SLC2A5: variants seen among roughly 807,000 people sequenced by gnomAD.
The protein encoded by SLC2A5 is solute carrier family 2, facilitated glucose transporter member 5.
A neutral mutation model predicts 50.3 loss-of-function variants in SLC2A5; 56 were observed. The ratio of observed to expected loss-of-function variants is 1.11; its 90% CI spans 0.90 to 1.39. SLC2A5 has a LOEUF of 1.39. Ranked by LOEUF, SLC2A5 falls within the 40% of genes most tolerant of loss-of-function variation. The pLI is 0.00. For missense variants in SLC2A5, 566 were observed against 650.1 expected, an observed-to-expected ratio of 0.87 and a Z score of 1.41; for synonymous variants, 269 against 281.9, an observed-to-expected ratio of 0.95 and a Z score of 0.46.
In SLC2A5 at chr1:9,039,841, T is replaced by C. The variant is rs759948969; in HGVS notation, c.844A>G (p.Ile282Val). ...RSLRWQLLSIIVLMGGQQLSG... is the reference protein window; with the variant it reads ...RSLRWQLLSIVVLMGGQQLSG... Reference sequence around the variant, plus strand: ...AGCTGCTGGCCGCCCATGAGGACGATGATGGACAGCAGCTGCCAGCGCAGC... The same window carrying C: ...AGCTGCTGGCCGCCCATGAGGACGACGATGGACAGCAGCTGCCAGCGCAGC... Residue 282 changes from isoleucine to valine, a missense_variant, in exon 7 of 12, where the codon ATC becomes GTC. Coordinates refer to ENST00000377424, the MANE Select transcript of SLC2A5 (RefSeq NM_003039.3). 1.2e-5 allele frequency: 20 copies of C among 1,609,604 alleles called. No individual in the cohort carries two copies. In the South Asian group the frequency reaches 1.9e-4, roughly 15 times the overall value.
intron 1 of SLC2A5, among the ~76,000 whole-genome samples, chr1:9,060,416 C>T (rs1420158253): frequency 6.8e-6 from 1 of 147,378 alleles, no homozygotes; most frequent in Non-Finnish European, 1.5e-5. Flanking sequence ...CTACACACCC[C>T]ACACCCCCAC....
intron 1 of SLC2A5, among the ~76,000 whole-genome samples, chr1:9,063,770 A>T (rs1224264616): frequency 8.2e-6 from 1 of 121,400 alleles, no homozygotes; most frequent in East Asian, 2.3e-4. Flanking sequence ...ATCTCGGCTC[A>T]CTGCAAGCTC....
In SLC2A5 at chr1:9,047,599, G is replaced by C; in HGVS notation, c.418+11C>G. 1 of 1,612,796 alleles carries C rather than the reference G, an allele frequency of 6.2e-7. No individual in the cohort carries two copies. The highest frequency in any genetic ancestry group is 8.5e-7 in the Non-Finnish European group (1 of 1,179,226). On this transcript the variant is annotated intron_variant, in intron 4 of 11. Transcript: ENST00000377424. ...CCTCACAGAATGGCAATACAGCATAGCATTGTTTACCTGCACATATTCCCA... is the reference window on the plus strand; with the variant it reads ...CCTCACAGAATGGCAATACAGCATACCATTGTTTACCTGCACATATTCCCA...
At chr1:9,069,287 T>C (rs1029862382) in intron 1 of SLC2A5, among the ~76,000 whole-genome samples, 1 of 152,210 alleles carries the variant, frequency 6.6e-6, no homozygotes, top group Non-Finnish European at 1.5e-5. Context: ...GCTGTTCCAG[T>C]AGAATGATTT....
At chr1:9,089,915 AG>A (rs1642445038), upstream of SLC2A5, among the ~76,000 whole-genome samples, 6 of 152,184 alleles carry the variant, frequency 3.9e-5, no homozygotes, top group Admixed American at 3.3e-4. Flanking sequence ...CATGGAACCC[AG>A]GGTAATTTGG....
chr1:9,064,236 CTCTT>C (rs1340327000), intron 1 of SLC2A5, among the ~76,000 whole-genome samples: 4 of 152,110 alleles, frequency 2.6e-5, no homozygotes, highest in South Asian at 2.1e-4. Context: ...GGCTTAAGCC[CTCTT>C]TCTTTCTTTT....
At chr1:9,088,020 G>T (rs1280972425) in intron 1 of SLC2A5, among the ~76,000 whole-genome samples, 1 of 152,054 alleles carries the variant, frequency 6.6e-6, no homozygotes. Context: ...GCCTGAAAAT[G>T]GCACCTTTGA....
upstream of SLC2A5, among the ~76,000 whole-genome samples, chr1:9,070,226 G>A (rs969541724): frequency 2.6e-5 from 4 of 151,620 alleles, no homozygotes; most frequent in East Asian, 1.9e-4. Flanking sequence ...GATTACAGGC[G>A]TGCACTACCA....
upstream of SLC2A5, among the ~76,000 whole-genome samples, chr1:9,090,070 T>C (rs1349526926): frequency 6.6e-6 from 1 of 152,194 alleles, no homozygotes; most frequent in African/African-American, 2.4e-5. Context: ...GCCACTATAC[T>C]GCTCATTTCA....
intron 2 of SLC2A5, among the ~76,000 whole-genome samples, chr1:9,080,849 G>A (rs955250590): frequency 1.3e-5 from 2 of 152,144 alleles, no homozygotes; most frequent in Non-Finnish European, 2.9e-5. Flanking sequence ...CTCTCGCCTG[G>A]GGCGATAGGT....
At chr1:9,069,804 C>CTACG (rs1354097557), upstream of SLC2A5, 4 of 485,062 alleles carry the variant, frequency 8.2e-6, no homozygotes, top group Non-Finnish European at 1.5e-5. Context: ...ATGGAACAGT[C>CTACG]TACGGTATTT....
rs533395747 is a variant in SLC2A5, at chr1:9,069,549, AG to A, written c.-14del. On this transcript the variant is annotated 5_prime_UTR_variant, in exon 1 of 12. Coordinates refer to ENST00000377424, the MANE Select transcript of SLC2A5 (RefSeq NM_003039.3). ...CCTGTTGCTCCATGCTTGCTCTGGA[AG>A]GGCAGAGTGCCGCTCACCTCCTTTT... is the stretch of plus-strand genomic sequence containing the variant. The A allele has an allele frequency of 4.3e-6, 7 of 1,614,064 alleles. No homozygotes were observed. In the South Asian group the frequency reaches 7.7e-5, roughly 18 times the overall value.
At chr1:9,049,018 G>A (rs1017715484) in intron 3 of SLC2A5, 2 of 394,690 alleles carry the variant, frequency 5.1e-6, no homozygotes, top group Non-Finnish European at 1.0e-5. Context: ...GCTGATAAAG[G>A]AAATCTACCT....
chr1:9,091,556 G>A (rs1317858377), upstream of SLC2A5, among the ~76,000 whole-genome samples: 1 of 152,070 alleles, frequency 6.6e-6, no homozygotes, highest in Non-Finnish European at 1.5e-5. Context: ...CCTCTCATGT[G>A]CAAGCCCTAT....
At position 9,037,329 on chromosome 1, in the gene SLC2A5, C is replaced by T. The variant is rs1641157818; in HGVS notation, c.*257G>A. The T allele has an allele frequency of 4.4e-6, 2 of 458,790 alleles. No homozygotes were observed. The highest frequency in any genetic ancestry group is 4.2e-5 in the East Asian group (1 of 23,914). 28.4% of individuals were successfully genotyped at this position (458,790 alleles called of 1,614,324 possible). ...TACCAGGAGCCACACGAAGGCTGAA[C>T]CAGCAAAGTGGAGGACCAGCTGTTT... is the stretch of plus-strand genomic sequence containing the variant. On this transcript the variant is annotated 3_prime_UTR_variant, in exon 12 of 12. Transcript: ENST00000377424.
At chr1:9,077,532 G>A (rs2124473411) in intron 2 of SLC2A5, among the ~76,000 whole-genome samples, 1 of 151,558 alleles carries the variant, frequency 6.6e-6, no homozygotes, top group African/African-American at 2.4e-5. Flanking sequence ...CCTGAGGTCA[G>A]GAGTTCAAGA....
intron 2 of SLC2A5, among the ~76,000 whole-genome samples, chr1:9,076,541 A>T (rs1642285708): frequency 6.6e-6 from 1 of 152,176 alleles, no homozygotes; most frequent in Admixed American, 6.6e-5. Context: ...AGAAATGCCT[A>T]TATGTGCCTT....
At chr1:9,042,009 C>G in intron 4 of SLC2A5, 72 bp from the exon 5 acceptor site, 1 of 1,459,898 alleles carries the variant, frequency 6.8e-7, no homozygotes, top group Admixed American at 2.8e-5. Flanking sequence ...TTCAAGTATA[C>G]TATTCTTAGC....
rs185263893 is a variant in SLC2A5 at position 9,083,702 on chromosome 1, G to A, written c.-59+1312C>T. Among the ~76,000 whole-genome samples, 34 of 152,318 alleles carry A rather than the reference G, an allele frequency of 2.2e-4. No individual in the cohort carries two copies. In the East Asian group the frequency reaches 6.6e-3, roughly 29 times the overall value. ...TAGCAGGGCATGGTGGCACATGCCTGTAATCCCAGCTACTCGGGAGGCTGA... is the reference window on the plus strand; with the variant it reads ...TAGCAGGGCATGGTGGCACATGCCTATAATCCCAGCTACTCGGGAGGCTGA... On this transcript the variant is annotated intron_variant, in intron 2 of 5. Coordinates refer to the SLC2A5 transcript ENST00000464985.
Sources: gnomAD v4.1 joint callset for allele counts (sites outside exome capture counted in the v4.1 genomes callset) on GRCh38, gnomAD v4.1.1 for gene constraint, MANE v1.5 for transcripts, NCBI Gene and HGNC (gene_info 2026-07-23, HGNC 2026-07-21) for gene names.